CD99L2: variants seen among roughly 807,000 people sequenced by gnomAD.
CD99L2 encodes the protein CD99 antigen-like protein 2.
In CD99L2, 24 loss-of-function variants were observed where a neutral mutation model predicts 27.3. The observed-to-expected ratio is 0.88, with a 90% confidence interval of 0.64 to 1.24. The LOEUF (loss-of-function observed/expected upper bound fraction) is 1.24. Among genes scored for constraint, CD99L2 ranks in the 50% most tolerant of loss-of-function variants. The pLI is 0.00. For synonymous variants in CD99L2, 97 were observed against 87.9 expected, an observed-to-expected ratio of 1.10 and a Z score of -0.58; for missense variants, 255 against 221.6, an observed-to-expected ratio of 1.15 and a Z score of -0.96.
intron 2 of CD99L2, among the ~76,000 whole-genome samples, chrX:150,816,822 A>G (rs1557420501): frequency 9.1e-6 from 1 of 109,860 alleles, no homozygotes; most frequent in African/African-American, 3.3e-5. Context: ...GATAGACTGG[A>G]ATAAGAAAAT....
At chrX:150,795,004 T>C (rs2045769879) in intron 6 of CD99L2, among the ~76,000 whole-genome samples, 1 of 112,598 alleles carries the variant, frequency 8.9e-6, no homozygotes, top group Non-Finnish European at 1.9e-5. Flanking sequence ...ATGATGAGTA[T>C]TGATAAACGT....
chrX:150,879,140 C>T (rs1557422414), intron 1 of CD99L2, among the ~76,000 whole-genome samples: 1 of 111,668 alleles, frequency 9.0e-6, no homozygotes, highest in African/African-American at 3.3e-5. Context: ...ACCCTGGTGG[C>T]CGTAGAGAAA....
chrX:150,769,670 TC>T, intron 10 of CD99L2, among the ~76,000 whole-genome samples: 1 of 105,516 alleles, frequency 9.5e-6, no homozygotes, highest in Admixed American at 1.1e-4. Flanking sequence ...TGTCCTAGTC[TC>T]CCTGCCTGCG....
At chrX:150,816,748 G>A (rs2046162224) in intron 2 of CD99L2, among the ~76,000 whole-genome samples, 1 of 107,229 alleles carries the variant, frequency 9.3e-6, no homozygotes, top group African/African-American at 3.4e-5. Context: ...ACATGCACAC[G>A]TATGTTTATT....
chrX:150,876,056 G>C (rs1159822424), intron 1 of CD99L2, among the ~76,000 whole-genome samples: 1 of 112,434 alleles, frequency 8.9e-6, no homozygotes, highest in East Asian at 2.8e-4. Context: ...GGTGTCAATA[G>C]TTTGTTCTTT....
intron 1 of CD99L2, among the ~76,000 whole-genome samples, chrX:150,882,242 TGTGTAC>T (rs782323813): frequency 1.2e-4 from 13 of 111,753 alleles, no homozygotes; most frequent in African/African-American, 4.2e-4. Context: ...AGCCATCCCA[TGTGTAC>T]GTGTAATAAG....
At chrX:150,807,563 G>A (rs2046013505) in intron 4 of CD99L2, among the ~76,000 whole-genome samples, 2 of 112,300 alleles carry the variant, frequency 1.8e-5, no homozygotes, top group African/African-American at 6.5e-5. Context: ...TAGTTCTCCA[G>A]TTCTAATCTA....
intron 10 of CD99L2, 21 bp downstream of exon 10, chrX:150,770,283 C>T: frequency 8.3e-7 from 1 of 1,198,527 alleles, no homozygotes; most frequent in Non-Finnish European, 1.1e-6. Flanking sequence ...CAGCAAGGGA[C>T]AGTGAGTACA....
intron 1 of CD99L2, among the ~76,000 whole-genome samples, chrX:150,864,327 C>T (rs1215450677): frequency 8.9e-6 from 1 of 112,402 alleles, no homozygotes; most frequent in Admixed American, 9.4e-5. Flanking sequence ...CACAAAGCAC[C>T]GTGCATGACA....
intron 1 of CD99L2, among the ~76,000 whole-genome samples, chrX:150,836,499 G>C (rs2046530757): frequency 9.0e-6 from 1 of 110,628 alleles, no homozygotes; most frequent in Admixed American, 9.6e-5. Context: ...AGCTAATTTT[G>C]TATTTTTGGT....
intron 1 of CD99L2, among the ~76,000 whole-genome samples, chrX:150,873,299 C>T (rs782446230): frequency 5.4e-4 from 60 of 112,046 alleles, no homozygotes; most frequent in Middle Eastern, 4.6e-3. Context: ...CTAAGTGAAA[C>T]GAGTCAGTTG....
intron 1 of CD99L2, among the ~76,000 whole-genome samples, chrX:150,840,263 GA>G (rs1414920380): frequency 4.5e-5 from 5 of 110,551 alleles, no homozygotes; most frequent in Admixed American, 2.9e-4. Flanking sequence ...AAAAAAGAAA[GA>G]AAAAAAGGTA....
chrX:150,829,524 G>C (rs1377284561), intron 2 of CD99L2: 3 of 328,264 alleles, frequency 9.1e-6, no homozygotes, highest in African/African-American at 8.0e-5. Flanking sequence ...CCTTGATATA[G>C]AACTTCTAGC....
chrX:150,888,477 T>C lies in CD99L2; in HGVS notation c.67+10045A>G, dbSNP rs140162936. On this transcript the variant is annotated intron_variant, in intron 1 of 10. Transcript: ENST00000370377. The stretch of plus-strand genomic sequence containing the variant: ...TTCCGTTGCTATGAAATGTCCAGAA[T>C]GGGCAAATCCAGATAGGAAGCAGAT... 6.2e-3 allele frequency among the ~76,000 whole-genome samples: 696 copies of C among 111,912 alleles called. 7 individuals carry two copies. The highest frequency in any genetic ancestry group is 0.02 in the African/African-American group (622 of 30,758).
At chrX:150,865,302 G>A (rs927786195) in intron 1 of CD99L2, among the ~76,000 whole-genome samples, 17 of 107,769 alleles carry the variant, frequency 1.6e-4, no homozygotes, top group Admixed American at 1.1e-3. Context: ...GTTTGAGACC[G>A]GCCTGGGCAA....
intron 2 of CD99L2, chrX:150,828,638 G>A (rs985334128): frequency 8.9e-6 from 1 of 111,860 alleles, no homozygotes; most frequent in Non-Finnish European, 1.9e-5. Context: ...CAAATGGCCA[G>A]TAAATATATG....
At chrX:150,861,917 A>AG (rs1200327907) in intron 1 of CD99L2, among the ~76,000 whole-genome samples, 6,039 of 103,102 alleles carry the variant, frequency 0.059, 254 homozygotes, top group Non-Finnish European at 0.093. Context: ...AAAAAAAAAA[A>AG]AGAGAGAGAG....
rs781989393 is a variant in CD99L2, at chrX:150,769,058, C to T, written c.765G>A (p.Pro255=). ...TLHTQSAEPP[P]PPEPARI ...CTCAGATCCGGGCTGGTTCGGGCGG[C>T]GGCGGCGGCTCTGCAGACTGCGTGT... The change falls in exon 11 of 11, where the codon CCG becomes CCA. Residue 255 remains proline, a synonymous_variant. Transcript: ENST00000370377. 3.9e-5 allele frequency: 45 copies of T among 1,155,434 alleles called. No homozygotes were observed. The highest frequency in any genetic ancestry group is 2.4e-4 in the Middle Eastern group (1 of 4,126).
At chrX:150,870,466 TAA>T (rs1444917849) in intron 1 of CD99L2, among the ~76,000 whole-genome samples, 4 of 112,423 alleles carry the variant, frequency 3.6e-5, no homozygotes, top group Non-Finnish European at 5.6e-5. Context: ...CATGTGCCTG[TAA>T]TCCCAGCTTC....
Sources: gnomAD v4.1 joint callset for allele counts (sites outside exome capture counted in the v4.1 genomes callset) on GRCh38, gnomAD v4.1.1 for gene constraint, MANE v1.5 for transcripts, NCBI Gene and HGNC (gene_info 2026-07-23, HGNC 2026-07-21) for gene names.